Variants in PRKN observed in about 807,000 individuals in gnomAD.
PRKN encodes parkin RBR E3 ubiquitin protein ligase.
In PRKN, 56 loss-of-function variants were observed where a neutral mutation model predicts 59.5. The observed-to-expected ratio is 0.94, with a 90% CI of 0.76 to 1.18. The LOEUF (loss-of-function observed/expected upper bound fraction) is 1.18. Ranked by LOEUF, PRKN falls within the 50% of genes most tolerant of loss-of-function variation. The probability of loss-of-function intolerance (pLI) is 0.00; values close to 1 mark genes in which losing one functional copy is unlikely to be tolerated. For missense variants in PRKN, 657 were observed against 596.4 expected, an observed-to-expected ratio of 1.10 and a Z score of -1.06; for synonymous variants, 250 against 222.1, an observed-to-expected ratio of 1.13 and a Z score of -1.12.
intron 3 of PRKN, among the ~76,000 whole-genome samples, chr6:162,218,054 G>T (rs1271606540): frequency 6.6e-6 from 1 of 152,166 alleles, no homozygotes; most frequent in African/African-American, 2.4e-5. Flanking sequence ...GGGGTGACAG[G>T]TCTGCCTTTC....
At chr6:161,850,855 G>A (rs1229133376) in intron 6 of PRKN, among the ~76,000 whole-genome samples, 3 of 152,168 alleles carry the variant, frequency 2.0e-5, no homozygotes, top group Non-Finnish European at 4.4e-5. Context: ...GGGGTGGAAT[G>A]AGAAACTCTC....
chr6:161,432,623 C>G lies in PRKN; in HGVS notation c.1084-45746G>C, dbSNP rs887800018. ...TCTCTAACTCCTGACCTCCAGCAAT[C>G]TGCCCACCTCGGCCTCCCAAAGTGC... is the stretch of plus-strand genomic sequence containing the variant. On this transcript the variant is annotated intron_variant, in intron 9 of 11. Transcript: ENST00000366898. Among the ~76,000 whole-genome samples, 9 of 149,406 alleles carry G rather than the reference C, an allele frequency of 6.0e-5. No individual in the cohort carries two copies. The Admixed American group carries it at 6.1e-4, about 10-fold the overall frequency.
At chr6:161,698,093 T>C (rs948056731) in intron 7 of PRKN, among the ~76,000 whole-genome samples, 1 of 152,126 alleles carries the variant, frequency 6.6e-6, no homozygotes, top group Non-Finnish European at 1.5e-5. Flanking sequence ...ATGAGACTAA[T>C]TAAATTAAAT....
rs1475353280 is a variant in PRKN, at chr6:161,352,078, G to A, written c.1286-1867C>T. Among the ~76,000 whole-genome samples the A allele has an allele frequency of 6.6e-6, 1 of 152,110 alleles. No homozygotes were observed. Among genetic ancestry groups the A allele is most frequent in the Admixed American group, 6.6e-5 (1 of 15,260 alleles). ...AGAACTGTTTCTGTCCAAATTTCCT[G>A]GAAAACCCCGGCAAACGCAGTTTCT... On this transcript the variant is annotated intron_variant, in intron 11 of 11. Transcript: ENST00000366898. This position sits in a 1 kb window ranked among gnomAD's most constrained non-coding sequence, Gnocchi z 5.8.
At chr6:162,707,461 G>A (rs1778377454) in intron 1 of PRKN, among the ~76,000 whole-genome samples, 1 of 152,102 alleles carries the variant, frequency 6.6e-6, no homozygotes, top group Non-Finnish European at 1.5e-5. Context: ...TTGTTAGAAG[G>A]ATTATTCAGC....
In PRKN at chr6:162,010,885, T is replaced by A. The variant is rs1422541477; in HGVS notation, c.619-37468A>T. On this transcript the variant is annotated intron_variant, in intron 5 of 11. Coordinates refer to ENST00000366898, the MANE Select transcript of PRKN (RefSeq NM_004562.3). ...ATAATATATTATAAAATATATTATA[T>A]AATATATTATATATACTATAATATA... 1.5e-3 allele frequency among the ~76,000 whole-genome samples: 17 copies of A among 11,260 alleles called. 5 individuals carry two copies. Among genetic ancestry groups the A allele is most frequent in the Non-Finnish European group, 1.9e-3 (17 of 8,828 alleles). The allele number at this position is 11,260 out of a possible 152,430, so 7.4% of individuals were successfully genotyped here. A position where few individuals can be genotyped will look rare whatever the true frequency, so the allele number is the denominator to read the frequency against.
At chr6:162,045,503 T>A (rs947520895) in intron 5 of PRKN, among the ~76,000 whole-genome samples, 1 of 152,256 alleles carries the variant, frequency 6.6e-6, no homozygotes, top group Non-Finnish European at 1.5e-5. Context: ...GGGTCAACAG[T>A]ACGTGACATC....
intron 5 of PRKN, among the ~76,000 whole-genome samples, chr6:162,034,003 A>G (rs1469514151): frequency 3.3e-5 from 5 of 152,134 alleles, no homozygotes; most frequent in Non-Finnish European, 5.9e-5. Flanking sequence ...AATTAAATCA[A>G]TTCAGATAAT....
At chr6:162,490,568 T>G (rs1289716968) in intron 1 of PRKN, among the ~76,000 whole-genome samples, 5 of 152,212 alleles carry the variant, frequency 3.3e-5, no homozygotes, top group African/African-American at 1.2e-4. Context: ...AAACAAAGTA[T>G]TCTACCTTTT....
chr6:162,709,733 T>C (rs1336358421), intron 1 of PRKN, among the ~76,000 whole-genome samples: 2 of 152,222 alleles, frequency 1.3e-5, no homozygotes, highest in Non-Finnish European at 2.9e-5. Context: ...CACATACCAT[T>C]AGCTTCCAAA....
chr6:161,699,322 C>T (rs1199255519), intron 7 of PRKN, among the ~76,000 whole-genome samples: 1 of 152,132 alleles, frequency 6.6e-6, no homozygotes, highest in Non-Finnish European at 1.5e-5. Flanking sequence ...ATCCAAATGG[C>T]CCAGTTATTC....
At position 162,011,455 on chromosome 6, in the gene PRKN, A is replaced by T. The variant is rs1247435888; in HGVS notation, c.619-38038T>A. Among the ~76,000 whole-genome samples the T allele has an allele frequency of 2.2e-4, 7 of 31,744 alleles. 3 individuals carry two copies. The highest frequency in any genetic ancestry group is 1.0e-3 in the East Asian group (1 of 998). The allele number at this position is 31,744 out of a possible 152,430, so 20.8% of individuals were successfully genotyped here. ...ATATGTTATATATTTATAATATATA[A>T]TATATATATTATAATATATAATATA... On this transcript the variant is annotated intron_variant, in intron 5 of 11. Transcript: ENST00000366898.
intron 4 of PRKN, among the ~76,000 whole-genome samples, chr6:162,091,205 T>C: frequency 6.6e-6 from 1 of 152,180 alleles, no homozygotes; most frequent in East Asian, 1.9e-4. Flanking sequence ...CTATACTTTG[T>C]AGTTACATGA....
intron 7 of PRKN, among the ~76,000 whole-genome samples, chr6:161,750,121 A>G (rs1788622094): frequency 7.3e-6 from 1 of 136,060 alleles, no homozygotes; most frequent in Non-Finnish European, 1.6e-5. Context: ...ATATATATAC[A>G]CACACACACA....
intron 1 of PRKN, among the ~76,000 whole-genome samples, chr6:162,705,597 C>T (rs1275311892): frequency 6.6e-6 from 1 of 152,158 alleles, no homozygotes; most frequent in Non-Finnish European, 1.5e-5. Context: ...ATGAAGACCT[C>T]TTGAAACCTG....
intron 1 of PRKN, among the ~76,000 whole-genome samples, chr6:162,666,290 G>C (rs1779100951): frequency 2.6e-5 from 4 of 152,040 alleles, no homozygotes; most frequent in African/African-American, 9.7e-5. Flanking sequence ...AAATAACAAT[G>C]AGACTAGTGA....
intron 6 of PRKN, among the ~76,000 whole-genome samples, chr6:161,898,380 G>A (rs1371624863): frequency 2.6e-5 from 4 of 152,214 alleles, no homozygotes; most frequent in Non-Finnish European, 5.9e-5. Flanking sequence ...TAATATTTAC[G>A]CATTACATCT....
intron 6 of PRKN, among the ~76,000 whole-genome samples, chr6:161,928,369 A>G (rs1471575470): frequency 6.6e-6 from 1 of 152,256 alleles, no homozygotes; most frequent in Non-Finnish European, 1.5e-5. Context: ...GAAATAAAGC[A>G]CAGCTTTGAA....
intron 2 of PRKN, among the ~76,000 whole-genome samples, chr6:162,412,686 C>G (rs1788408411): frequency 6.6e-6 from 1 of 152,024 alleles, no homozygotes; most frequent in Admixed American, 6.6e-5. Context: ...TGACAGAGAG[C>G]TCTTCTTCAA....
Sources: allele counts gnomAD v4.1 joint callset (sites outside exome capture counted in the v4.1 genomes callset), GRCh38; gene constraint gnomAD v4.1.1; non-coding constraint Gnocchi (gnomAD v3.1); transcripts MANE v1.5; gene names NCBI Gene and HGNC (gene_info 2026-07-23, HGNC 2026-07-21).